The following SIRT7 variants were observed in gnomAD, a reference collection of about 807,000 sequenced individuals.
SIRT7 encodes sirtuin 7, also known as NAD-dependent protein deacetylase sirtuin-7.
A neutral mutation model predicts 42.8 loss-of-function variants in SIRT7; 32 were observed. That is an observed-to-expected ratio of 0.75 (90% confidence interval 0.56 to 1.00). The LOEUF (loss-of-function observed/expected upper bound fraction) is 1.00. SIRT7 is among the 50% of genes least tolerant of loss of function. SIRT7 has a pLI of 0.00. For missense variants in SIRT7, 553 were observed against 572.2 expected, an observed-to-expected ratio of 0.97 and a Z score of 0.34; for synonymous variants, 297 against 245.2, an observed-to-expected ratio of 1.21 and a Z score of -1.97.
chr17:81,918,031 C>T lies in SIRT7; in HGVS notation c.93+8G>A. 1 of 1,465,784 alleles carries T rather than the reference C, an allele frequency of 6.8e-7. No individual in the cohort carries two copies. Among genetic ancestry groups the T allele is most frequent in the Non-Finnish European group, 9.0e-7 (1 of 1,116,596 alleles). 90.8% of individuals were successfully genotyped at this position (1,465,784 alleles called of 1,614,324 possible). A position where few individuals can be genotyped will look rare whatever the true frequency, so the allele number is the denominator to read the frequency against. Reference sequence around the variant, plus strand: ...GCATGGCCGGGCCGGGGAGCGGCGGCGGCGTACCTGGCGGAGGCGCTCCCT... The same window carrying T: ...GCATGGCCGGGCCGGGGAGCGGCGGTGGCGTACCTGGCGGAGGCGCTCCCT... On this transcript the variant is annotated splice_region_variant and intron_variant, in intron 1 of 9. Transcript: ENST00000328666.
Position 81,913,836 on chromosome 17 carries a change from C to G in SIRT7, c.942G>C (p.Lys314Asn). 1 of 1,550,806 alleles carries G rather than the reference C, an allele frequency of 6.4e-7. No homozygotes were observed. Among genetic ancestry groups the G allele is most frequent in the Non-Finnish European group, 8.7e-7 (1 of 1,147,666 alleles). ...DDWAALKLHGKCDDVMRLLMA... is the reference protein window; with the variant it reads ...DDWAALKLHGNCDDVMRLLMA... Reference sequence around the variant, plus strand: ...TGAGGAGCCGCATGACGTCATCACACTTCCCATGTAGCTTCAGGGCAGCCC... The same window carrying G: ...TGAGGAGCCGCATGACGTCATCACAGTTCCCATGTAGCTTCAGGGCAGCCC... The change falls in exon 9 of 10, where the codon AAG (lysine) becomes AAC (asparagine). Residue 314 changes from lysine (K) to asparagine (N), a missense_variant. By Grantham distance (94) the Lys-to-Asn change is moderately conservative. Coordinates refer to ENST00000328666, the MANE Select transcript of SIRT7 (RefSeq NM_016538.3). This position sits in a 1 kb window ranked among gnomAD's most constrained non-coding sequence, Gnocchi z 5.0.
intron 9 of SIRT7, chr17:81,912,835 A>T (rs1237780658): frequency 1.6e-6 from 1 of 609,582 alleles, no homozygotes; most frequent in Non-Finnish European, 2.9e-6. Context: ...GTCGGCACCC[A>T]CACTAGCTCG....
rs968458473 is a variant in SIRT7 at position 81,914,822 on chromosome 17, C to G, written c.481-120G>C. On this transcript the variant is annotated intron_variant, in intron 5 of 9. Transcript: ENST00000328666. ...CGATGGCTCCCAAAACCAGGGGCAG[C>G]TCCGTCCCCCCAGAGAGCCTTAGAA... 4.6e-5 allele frequency: 35 copies of G among 760,372 alleles called. 1 individual carries two copies. The South Asian group carries it at 5.3e-4, about 11-fold the overall frequency. 47.1% of individuals were successfully genotyped at this position (760,372 alleles called of 1,614,324 possible). A position where few individuals can be genotyped will look rare whatever the true frequency, so the allele number is the denominator to read the frequency against.
At position 81,912,234 on chromosome 17, in the gene SIRT7, G is replaced by A. The variant is rs1294173365; in HGVS notation, c.*182C>T. ...ATGGGCAGGTGTCCTCGATGGCCAG[G>A]CCGTATCAGGGTACAACCGCAGCAG... On this transcript the variant is annotated 3_prime_UTR_variant, in exon 10 of 10. Transcript: ENST00000328666. 1.4e-6 allele frequency: 1 copy of A among 713,228 alleles called. No homozygotes were observed. The highest frequency in any genetic ancestry group is 2.3e-6 in the Non-Finnish European group (1 of 426,970). 44.2% of individuals were successfully genotyped at this position (713,228 alleles called of 1,614,324 possible).
Position 81,913,412 on chromosome 17 carries a change from C to T in SIRT7, c.1004+362G>A. On this transcript the variant is annotated intron_variant, in intron 9 of 9. Coordinates refer to ENST00000328666, the MANE Select transcript of SIRT7 (RefSeq NM_016538.3). This position sits in a 1 kb window ranked among gnomAD's most constrained non-coding sequence, Gnocchi z 5.0. ...TTTAAGCTTTCCCAAAGTACGCCAACTCCCAAAACCAAGCACACAGATTCT... is the reference window on the plus strand; with the variant it reads ...TTTAAGCTTTCCCAAAGTACGCCAATTCCCAAAACCAAGCACACAGATTCT... The T allele has an allele frequency of 2.2e-6, 1 of 448,662 alleles. No homozygotes were observed. Among genetic ancestry groups the T allele is most frequent in the South Asian group, 1.7e-5 (1 of 59,510 alleles). 27.8% of individuals were successfully genotyped at this position (448,662 alleles called of 1,614,324 possible).
chr17:81,914,073 A>G lies in SIRT7; in HGVS notation c.897+14T>C, dbSNP rs2040744348. ...ACCCAGATCTAAGGACGTGGCTCTCAGCACCCGAGTTACCTGCAGGTTCAC... is the reference window on the plus strand; with the variant it reads ...ACCCAGATCTAAGGACGTGGCTCTCGGCACCCGAGTTACCTGCAGGTTCAC... On this transcript the variant is annotated intron_variant, in intron 8 of 9. Coordinates refer to ENST00000328666, the MANE Select transcript of SIRT7 (RefSeq NM_016538.3). The G allele has an allele frequency of 1.2e-6, 2 of 1,613,136 alleles. No homozygotes were observed. The highest frequency in any genetic ancestry group is 1.3e-5 in the African/African-American group (1 of 74,926).
chr17:81,914,654 C>G lies in SIRT7; in HGVS notation c.529G>C (p.Gly177Arg). 1 of 1,613,096 alleles carries G rather than the reference C, an allele frequency of 6.2e-7. No homozygotes were observed. Among genetic ancestry groups the G allele is most frequent in the Non-Finnish European group, 8.5e-7 (1 of 1,180,010 alleles). The change falls in exon 6 of 10, where the codon GGG becomes CGG. Residue 177 changes from glycine to arginine, a missense_variant. Physicochemically the swap from Gly to Arg is moderately radical, Grantham distance 125 (BLOSUM62 -2). Transcript: ENST00000328666. Reference sequence around the variant, plus strand: ...TCGGAGATGGCCGTGCGCGGCAGCCCACTCCTCAGGTGGAGCCCGTCACAG... The same window carrying G: ...TCGGAGATGGCCGTGCGCGGCAGCCGACTCCTCAGGTGGAGCCCGTCACAG... ...QNCDGLHLRSGLPRTAISELH... is the reference protein window; with the variant it reads ...QNCDGLHLRSRLPRTAISELH...
Position 81,913,681 on chromosome 17 carries a change from A to G in SIRT7, c.1004+93T>C. 1 of 1,126,240 alleles carries G rather than the reference A, an allele frequency of 8.9e-7. No homozygotes were observed. Among genetic ancestry groups the G allele is most frequent in the East Asian group, 2.6e-5 (1 of 38,882 alleles). 69.8% of individuals were successfully genotyped at this position (1,126,240 alleles called of 1,614,324 possible). On this transcript the variant is annotated intron_variant, in intron 9 of 9. Transcript: ENST00000328666. This position sits in a 1 kb window ranked among gnomAD's most constrained non-coding sequence, Gnocchi z 5.0. The stretch of plus-strand genomic sequence containing the variant: ...CCTCAGGCACCACTGCAAACACCTC[A>G]GAGCTTCCTCCACACTCAGCTCACG...
Position 81,914,465 on chromosome 17 carries a change from G to T in SIRT7, c.645C>A (p.Ala215=). ...VRVFDVTERT[A]LHRHQTGRTC... is the part of the protein sequence containing the mutation. ...TCCGGCCTGTCTGGTGTCTGTGGAG[G>T]GCAGTGCGCTCCGTCACATCGAACA... is the stretch of plus-strand genomic sequence containing the variant. The change falls in exon 7 of 10, where the codon GCC becomes GCA. Residue 215 remains alanine (A), a synonymous_variant. Transcript: ENST00000328666. 1 of 1,613,126 alleles carries T rather than the reference G, an allele frequency of 6.2e-7. No individual in the cohort carries two copies. Among genetic ancestry groups the T allele is most frequent in the Non-Finnish European group, 8.5e-7 (1 of 1,180,028 alleles).
intron 3 of SIRT7, chr17:81,917,158 A>T (rs751142253): frequency 1.3e-5 from 2 of 153,600 alleles, no homozygotes; most frequent in African/African-American, 4.8e-5. Flanking sequence ...CCCCACACAC[A>T]CCCATCAAAT....
At position 81,912,269 on chromosome 17, in the gene SIRT7, C is replaced by T; in HGVS notation, c.*147G>A. 9.9e-7 allele frequency: 1 copy of T among 1,014,294 alleles called. No individual in the cohort carries two copies. The highest frequency in any genetic ancestry group is 1.5e-6 in the Non-Finnish European group (1 of 667,370). The allele number at this position is 1,014,294 out of a possible 1,614,324, so 62.8% of individuals were successfully genotyped here. A position where few individuals can be genotyped will look rare whatever the true frequency, so the allele number is the denominator to read the frequency against. On this transcript the variant is annotated 3_prime_UTR_variant, in exon 10 of 10. Transcript: ENST00000328666. ...GGTACAACCGCAGCAGTGCAAGGGG[C>T]TTCCTCAAGGACAAATGGCTAAAAA...
chr17:81,915,739 G>A (rs375359148), intron 3 of SIRT7, 58 bp from the exon 4 acceptor site: 6 of 1,576,002 alleles, frequency 3.8e-6, no homozygotes, highest in South Asian at 1.1e-5. Context: ...GGTACTGGCA[G>A]AATTCCCAGA....
chr17:81,914,740 G>T (rs770766048), intron 5 of SIRT7, 38 bp from the exon 6 acceptor site: 8 of 1,550,358 alleles, frequency 5.2e-6, no homozygotes, highest in African/African-American at 1.4e-5. Flanking sequence ...AGGGATGGCT[G>T]CCAGTGGTGG....
rs1286593700 is a variant in SIRT7, at chr17:81,912,299, A to G, written c.*117T>C. ...TCAAGGACAAATGGCTAAAAATGTC[A>G]CGGTGAAAATGTCATCCCCAAAGAG... On this transcript the variant is annotated 3_prime_UTR_variant, in exon 10 of 10. Transcript: ENST00000328666. 1 of 1,316,882 alleles carries G rather than the reference A, an allele frequency of 7.6e-7. No individual in the cohort carries two copies. The highest frequency in any genetic ancestry group is 1.2e-5 in the South Asian group (1 of 83,364). The allele number at this position is 1,316,882 out of a possible 1,614,324, so 81.6% of individuals were successfully genotyped here.
chr17:81,914,993 G>A (rs892734428), intron 5 of SIRT7: 2 of 520,748 alleles, frequency 3.8e-6, no homozygotes, highest in African/African-American at 3.8e-5. Context: ...AGTGGCTCGG[G>A]GTTTGGCAAG....
In SIRT7 at chr17:81,913,682, G is replaced by C. The variant is rs1429034394; in HGVS notation, c.1004+92C>G. 8.8e-7 allele frequency: 1 copy of C among 1,142,158 alleles called. No individual in the cohort carries two copies. Among genetic ancestry groups the C allele is most frequent in the Admixed American group, 2.0e-5 (1 of 49,102 alleles). The allele number at this position is 1,142,158 out of a possible 1,614,324, so 70.8% of individuals were successfully genotyped here. A position where few individuals can be genotyped will look rare whatever the true frequency, so the allele number is the denominator to read the frequency against. ...CTCAGGCACCACTGCAAACACCTCA[G>C]AGCTTCCTCCACACTCAGCTCACGA... On this transcript the variant is annotated intron_variant, in intron 9 of 9. Coordinates refer to ENST00000328666, the MANE Select transcript of SIRT7 (RefSeq NM_016538.3). This position sits in a 1 kb window ranked among gnomAD's most constrained non-coding sequence, Gnocchi z 5.0.
intron 3 of SIRT7, 194 bp from the exon 4 acceptor site, chr17:81,915,875 C>T (rs761100312): frequency 1.6e-6 from 1 of 623,446 alleles, no homozygotes; most frequent in African/African-American, 1.8e-5. Context: ...TCCCTTCTAC[C>T]TGGACTTCCG....
rs201497245 is a variant in SIRT7, at chr17:81,914,101, T to C, written c.883A>G (p.Ile295Val). The change falls in exon 8 of 10, where the codon ATC (isoleucine) becomes GTC (valine). Residue 295 changes from isoleucine (I) to valine (V), a missense_variant. By Grantham distance (29) the Ile-to-Val change is conservative (BLOSUM62 3). Transcript: ENST00000328666. ...ACCCGAGTTACCTGCAGGTTCACGA[T>C]GTAAAGCTTCGGCCGCCGGCTAGGG... ...KPPSRRPKLY[I>V]VNLQWTPKDD... 26 of 1,613,356 alleles carry C rather than the reference T, an allele frequency of 1.6e-5. No homozygotes were observed. Among genetic ancestry groups the C allele is most frequent in the Non-Finnish European group, 2.2e-5 (26 of 1,179,992 alleles).
chr17:81,915,035 G>T (rs112848483), intron 5 of SIRT7: 2 of 491,572 alleles, frequency 4.1e-6, no homozygotes, highest in Admixed American at 6.7e-5. Context: ...TGCTCTCTTG[G>T]GTCATGACAT....
Sources: gnomAD v4.1 joint callset for allele counts on GRCh38, gnomAD v4.1.1 for gene constraint, Gnocchi (gnomAD v3.1) non-coding constraint, MANE v1.5 for transcripts, NCBI Gene and HGNC (gene_info 2026-07-23, HGNC 2026-07-21) for gene names.